The following VRK2 variants were observed in gnomAD, a reference collection of about 807,000 sequenced individuals.
VRK2 encodes serine/threonine-protein kinase VRK2.
A neutral mutation model predicts 57.6 loss-of-function variants in VRK2; 60 were observed. The ratio of observed to expected loss-of-function variants is 1.04; its 90% CI spans 0.85 to 1.29. The LOEUF is 1.29. Among genes scored for constraint, VRK2 ranks in the 50% most tolerant of loss-of-function variants. The probability of loss-of-function intolerance (pLI) is 0.00; values close to 1 mark genes in which losing one functional copy is unlikely to be tolerated. For missense variants in VRK2, 705 were observed against 588.1 expected (o/e 1.20, Z -2.06); for synonymous variants, 231 against 199.2 (o/e 1.16, Z -1.35).
chr2:57,923,552 TC>T (rs1173090535), intron 1 of VRK2, among the ~76,000 whole-genome samples: 8 of 151,742 alleles, frequency 5.3e-5, no homozygotes, highest in African/African-American at 1.9e-4. Context: ...TCTATTCAGA[TC>T]TTTTGTCTGT....
intron 8 of VRK2, among the ~76,000 whole-genome samples, chr2:58,127,902 A>G (rs2104518625): frequency 6.6e-6 from 1 of 152,292 alleles, no homozygotes; most frequent in East Asian, 1.9e-4. Flanking sequence ...TAATACTTAG[A>G]CTTTTCTTTT....
At chr2:57,956,203 A>C (rs1469567403) in intron 1 of VRK2, among the ~76,000 whole-genome samples, 1 of 152,024 alleles carries the variant, frequency 6.6e-6, no homozygotes, top group Non-Finnish European at 1.5e-5. Context: ...CAACATAGCA[A>C]GGCTCCACCT....
chr2:58,045,774 G>A (rs186447984), upstream of VRK2, among the ~76,000 whole-genome samples: 96 of 152,250 alleles, frequency 6.3e-4, no homozygotes, highest in African/African-American at 2.1e-3. Flanking sequence ...TATGTAGAAT[G>A]CTGACGTATT....
chr2:58,065,499 TCA>T (rs745817474), intron 2 of VRK2, among the ~76,000 whole-genome samples: 1 of 152,176 alleles, frequency 6.6e-6, no homozygotes, highest in South Asian at 2.1e-4. Context: ...TATGAATGTA[TCA>T]CAGTTTGTGT....
At chr2:58,097,571 T>C (rs547026816) in intron 7 of VRK2, among the ~76,000 whole-genome samples, 1 of 152,152 alleles carries the variant, frequency 6.6e-6, no homozygotes, top group Non-Finnish European at 1.5e-5. Flanking sequence ...AATTAAATTA[T>C]ACAGTCATGT....
At chr2:57,960,897 C>G (rs1252482913) in intron 1 of VRK2, among the ~76,000 whole-genome samples, 2 of 152,238 alleles carry the variant, frequency 1.3e-5, no homozygotes, top group Non-Finnish European at 1.5e-5. Context: ...ACCAGTCTCT[C>G]TTCCGAGAGG....
At chr2:58,026,374 A>G (rs539692086) in intron 2 of VRK2, among the ~76,000 whole-genome samples, 37 of 152,206 alleles carry the variant, frequency 2.4e-4, no homozygotes, top group African/African-American at 8.2e-4. Flanking sequence ...GTTTATGTAA[A>G]TAATTTCTAT....
intron 9 of VRK2, among the ~76,000 whole-genome samples, chr2:58,133,491 C>T (rs368999939): frequency 6.6e-6 from 1 of 152,182 alleles, no homozygotes; most frequent in African/African-American, 2.4e-5. Context: ...AGGTATGACA[C>T]TGAAATTCCC....
intron 1 of VRK2, among the ~76,000 whole-genome samples, chr2:57,923,013 TC>T (rs1440986659): frequency 6.6e-6 from 1 of 151,986 alleles, no homozygotes; most frequent in Non-Finnish European, 1.5e-5. Flanking sequence ...TAACTTAATG[TC>T]CTCCAGTTCC....
Position 58,089,613 on chromosome 2 carries a change from A to C in VRK2, c.451-18A>C. ...TCTAAATAGCAGTAAACCTTATTTT[A>C]TCTATTTATTTTCACAGTTGGATGT... On this transcript the variant is annotated intron_variant, in intron 6 of 12. Coordinates refer to ENST00000340157, the MANE Select transcript of VRK2 (RefSeq NM_006296.7). The C allele has an allele frequency of 1.3e-6, 2 of 1,491,298 alleles. No homozygotes were observed. Among genetic ancestry groups the C allele is most frequent in the Non-Finnish European group, 1.8e-6 (2 of 1,084,496 alleles). The allele number at this position is 1,491,298 out of a possible 1,614,324, so 92.4% of individuals were successfully genotyped here. A position where few individuals can be genotyped will look rare whatever the true frequency, so the allele number is the denominator to read the frequency against.
At chr2:57,938,056 T>C (rs1240602404) in intron 1 of VRK2, among the ~76,000 whole-genome samples, 2 of 152,114 alleles carry the variant, frequency 1.3e-5, no homozygotes, top group African/African-American at 4.8e-5. Flanking sequence ...GATTTCGAAC[T>C]CCTGTCCTCG....
At chr2:58,113,982 C>T (rs1024260806) in intron 7 of VRK2, among the ~76,000 whole-genome samples, 2 of 151,926 alleles carry the variant, frequency 1.3e-5, no homozygotes, top group African/African-American at 4.8e-5. Context: ...GCTGCTTCAA[C>T]AGGATTAGGG....
chr2:58,120,261 G>C (rs190512197), intron 7 of VRK2, among the ~76,000 whole-genome samples: 1 of 138,280 alleles, frequency 7.2e-6, no homozygotes, highest in East Asian at 2.1e-4. Flanking sequence ...CACAATCTTC[G>C]GCTCACTCAA....
At chr2:58,011,341 T>C in intron 1 of VRK2, among the ~76,000 whole-genome samples, 1 of 152,242 alleles carries the variant, frequency 6.6e-6, no homozygotes, top group Non-Finnish European at 1.5e-5. Flanking sequence ...GAAATATTAA[T>C]GGCATTCCTT....
intron 12 of VRK2, among the ~76,000 whole-genome samples, chr2:58,156,226 CTGTT>C (rs1683817817): frequency 1.3e-5 from 2 of 151,914 alleles, no homozygotes; most frequent in Non-Finnish European, 2.9e-5. Flanking sequence ...CTTCATAGGT[CTGTT>C]TTTTTTTCTG....
intron 7 of VRK2, among the ~76,000 whole-genome samples, chr2:58,120,186 T>C (rs1677241397): frequency 1.2e-4 from 6 of 49,296 alleles, no homozygotes; most frequent in African/African-American, 9.2e-5. Flanking sequence ...TTTCTTTTCT[T>C]TTTTTTTTTT....
At chr2:58,041,532 C>T (rs1030633457) in intron 3 of VRK2, among the ~76,000 whole-genome samples, 1 of 152,020 alleles carries the variant, frequency 6.6e-6, no homozygotes, top group Non-Finnish European at 1.5e-5. Context: ...CAATAAGATA[C>T]CAACATGACA....
chr2:58,087,372 T>A (rs1045072378), intron 5 of VRK2, among the ~76,000 whole-genome samples: 3 of 152,166 alleles, frequency 2.0e-5, no homozygotes, highest in Non-Finnish European at 2.9e-5. Flanking sequence ...ATCCATATCA[T>A]GTCATATGTA....
intron 1 of VRK2, among the ~76,000 whole-genome samples, chr2:57,976,687 A>C (rs1672261463): frequency 6.6e-6 from 1 of 152,030 alleles, no homozygotes; most frequent in Admixed American, 6.6e-5. Flanking sequence ...TACTTTGTTG[A>C]AAATTTCCTT....
Sources: gnomAD v4.1 joint callset for allele counts (sites outside exome capture counted in the v4.1 genomes callset) on GRCh38, gnomAD v4.1.1 for gene constraint, MANE v1.5 for transcripts, NCBI Gene and HGNC (gene_info 2026-07-23, HGNC 2026-07-21) for gene names.